Variants in ATIC observed in about 807,000 individuals in gnomAD.
The protein encoded by ATIC is 5-aminoimidazole-4-carboxamide ribonucleotide formyltransferase/IMP cyclohydrolase, also known as bifunctional purine biosynthesis protein ATIC.
In ATIC, 64 loss-of-function variants were observed where a neutral mutation model predicts 72.5. The observed-to-expected ratio is 0.88, with a 90% CI of 0.72 to 1.09. The LOEUF (loss-of-function observed/expected upper bound fraction) is 1.09, where lower values mean the gene tolerates loss of function less well. ATIC is among the 50% of genes least tolerant of loss of function. ATIC has a pLI of 0.00. For synonymous variants in ATIC, 281 were observed against 267.1 expected (o/e 1.05, Z -0.51); for missense variants, 787 against 732.4 (o/e 1.07, Z -0.86).
chr2:215,323,516 A>T (rs956824269), intron 4 of ATIC, among the ~76,000 whole-genome samples: 2 of 152,178 alleles, frequency 1.3e-5, no homozygotes, highest in Non-Finnish European at 2.9e-5. Context: ...TTCACTGCTA[A>T]TGTATATTTT....
chr2:215,314,127 C>T (rs1355516233), intron 2 of ATIC, among the ~76,000 whole-genome samples: 3 of 152,140 alleles, frequency 2.0e-5, no homozygotes, highest in Non-Finnish European at 2.9e-5. Flanking sequence ...TGTTTCTGTA[C>T]CTATACCCAC....
chr2:215,350,945 A>T (rs1053976364), downstream of ATIC, among the ~76,000 whole-genome samples: 17 of 152,264 alleles, frequency 1.1e-4, no homozygotes, highest in Admixed American at 7.2e-4. Context: ...CATCTTTCTA[A>T]GTTATTTCTG....
chr2:215,334,314 G>A (rs562447482), intron 9 of ATIC, among the ~76,000 whole-genome samples: 10 of 149,356 alleles, frequency 6.7e-5, no homozygotes, highest in Admixed American at 2.7e-4. Flanking sequence ...CTGCCTCAGC[G>A]TCCTGAGTAG....
At position 215,327,110 on chromosome 2, in the gene ATIC, A is replaced by G. The variant is rs982242123; in HGVS notation, c.688+132A>G. 3.5e-6 allele frequency: 5 copies of G among 1,432,688 alleles called. No homozygotes were observed. In the South Asian group the frequency reaches 3.6e-5, roughly 10 times the overall value. 88.7% of individuals were successfully genotyped at this position (1,432,688 alleles called of 1,614,324 possible). ...TGCCTCCTGTAGCCATCTGATAACC[A>G]TCTGGTTTGAGACGCCATTTGGACT... is the stretch of plus-strand genomic sequence containing the variant. On this transcript the variant is annotated intron_variant, in intron 7 of 15. Transcript: ENST00000236959.
the ATIC span, among the ~76,000 whole-genome samples, chr2:215,357,701 C>A: frequency 6.6e-6 from 1 of 151,708 alleles, no homozygotes; most frequent in African/African-American, 2.4e-5. Flanking sequence ...TGGAGTGAGA[C>A]GATGTGATAA....
At chr2:215,346,714 A>G (rs768314609) in intron 13 of ATIC, 45 bp from the exon 14 acceptor site, 2 of 1,603,290 alleles carry the variant, frequency 1.2e-6, no homozygotes, top group Non-Finnish European at 1.7e-6. Flanking sequence ...TTGAGAAGAA[A>G]GTGTCTTTGG....
intron 1 of ATIC, 163 bp from the exon 2 acceptor site, chr2:215,312,335 C>G (rs1249389747): frequency 1.1e-5 from 16 of 1,494,598 alleles, no homozygotes; most frequent in Non-Finnish European, 1.5e-5. Flanking sequence ...CTTAGAGCAG[C>G]TCGCGGGTGT....
intron 13 of ATIC, chr2:215,345,496 C>T (rs914643833): frequency 6.3e-6 from 1 of 158,970 alleles, no homozygotes; most frequent in Non-Finnish European, 1.4e-5. Flanking sequence ...AGATATTACA[C>T]TTCTTTCCTA....
chr2:215,337,163 A>G (rs1413708653), intron 11 of ATIC, among the ~76,000 whole-genome samples: 2 of 150,902 alleles, frequency 1.3e-5, no homozygotes, highest in African/African-American at 4.9e-5. Context: ...TTATGCATTG[A>G]TAAAGCAAAG....
intron 15 of ATIC, 122 bp from the exon 16 acceptor site, chr2:215,349,414 G>T: frequency 6.3e-7 from 1 of 1,580,812 alleles, no homozygotes; most frequent in East Asian, 2.3e-5. Flanking sequence ...CCCAAATCCT[G>T]TTGTTATTTT....
chr2:215,351,003 C>T (rs1308023384), downstream of ATIC, among the ~76,000 whole-genome samples: 1 of 152,206 alleles, frequency 6.6e-6, no homozygotes, highest in Admixed American at 6.5e-5. Flanking sequence ...CACATTGAAA[C>T]AAGGCTGACT....
At chr2:215,315,142 C>T (rs1193231694) in intron 2 of ATIC, among the ~76,000 whole-genome samples, 2 of 152,160 alleles carry the variant, frequency 1.3e-5, no homozygotes, top group Non-Finnish European at 2.9e-5. Context: ...CTAAGGATCT[C>T]CTGACCTACT....
intron 5 of ATIC, 87 bp downstream of exon 5, chr2:215,325,416 G>A (rs1207203303): frequency 2.1e-6 from 2 of 959,328 alleles, no homozygotes; most frequent in Admixed American, 2.0e-5. Context: ...TATTACTGAG[G>A]AAATAGAAAG....
chr2:215,360,162 T>G, the ATIC span, among the ~76,000 whole-genome samples: 1 of 152,182 alleles, frequency 6.6e-6, no homozygotes, highest in African/African-American at 2.4e-5. Flanking sequence ...GGTCTCAAAC[T>G]CCTGACCTCA....
At chr2:215,359,008 G>A in the ATIC span, among the ~76,000 whole-genome samples, 1 of 152,124 alleles carries the variant, frequency 6.6e-6, no homozygotes, top group Non-Finnish European at 1.5e-5. Context: ...TCAGTCTCCC[G>A]AGTTATGGGG....
At chr2:215,328,718 CT>C (rs112676407) in intron 7 of ATIC, among the ~76,000 whole-genome samples, 232 of 137,610 alleles carry the variant, frequency 1.7e-3, no homozygotes, top group Non-Finnish European at 1.6e-3. Flanking sequence ...TGGCAGCTTC[CT>C]TTTTTTTTTT....
the ATIC span, chr2:215,361,644 G>GA: frequency 6.3e-7 from 1 of 1,594,462 alleles, no homozygotes; most frequent in African/African-American, 1.3e-5. Context: ...AAAGGAAGAA[G>GA]GAAAAAAAAA....
At chr2:215,356,127 A>C in the ATIC span, among the ~76,000 whole-genome samples, 1 of 152,236 alleles carries the variant, frequency 6.6e-6, no homozygotes, top group Non-Finnish European at 1.5e-5. Flanking sequence ...GACGTCTTAG[A>C]GTTGCTCTGA....
intron 2 of ATIC, among the ~76,000 whole-genome samples, chr2:215,315,651 G>A (rs1030506649): frequency 6.6e-6 from 1 of 152,174 alleles, no homozygotes; most frequent in Non-Finnish European, 1.5e-5. Flanking sequence ...CACCATGCCT[G>A]GACAAGGTCT....
Sources: allele counts gnomAD v4.1 joint callset (sites outside exome capture counted in the v4.1 genomes callset), GRCh38; gene constraint gnomAD v4.1.1; transcripts MANE v1.5; gene names NCBI Gene and HGNC (gene_info 2026-07-23, HGNC 2026-07-21).